Variants in RDX observed in about 807,000 individuals in gnomAD.
RDX encodes the protein radixin, also known as deafness, autosomal recessive 24.
In RDX, 32 loss-of-function variants were observed where a neutral mutation model predicts 83.7. That is an observed-to-expected ratio of 0.38 (90% CI 0.29 to 0.51). The LOEUF is 0.51. Among genes scored for constraint, RDX ranks in the 20% least tolerant of loss-of-function variants. The pLI is 0.87. For synonymous variants in RDX, 229 were observed against 222.7 expected, an observed-to-expected ratio of 1.03 and a Z score of -0.25; for missense variants, 600 against 689.9, an observed-to-expected ratio of 0.87 and a Z score of 1.46.
intron 10 of RDX, among the ~76,000 whole-genome samples, chr11:110,240,470 G>A (rs1390175063): frequency 2.0e-5 from 3 of 152,186 alleles, no homozygotes; most frequent in South Asian, 2.1e-4. Flanking sequence ...TAGGCCGGGC[G>A]CGGTGGCTCA....
intron 11 of RDX, 105 bp from the exon 12 acceptor site, chr11:110,236,296 A>T: frequency 1.2e-6 from 1 of 810,182 alleles, no homozygotes; most frequent in East Asian, 2.7e-5. Flanking sequence ...TGTTTTTCTT[A>T]GCCTTCCATT....
intron 5 of RDX, among the ~76,000 whole-genome samples, chr11:110,262,359 T>G (rs1859839799): frequency 1.3e-5 from 2 of 151,778 alleles, no homozygotes; most frequent in Non-Finnish European, 2.9e-5. Context: ...CCGAAGCGGG[T>G]GGATCATTTG....
At chr11:110,212,142 A>G (rs1267553815) in intron 14 of RDX, among the ~76,000 whole-genome samples, 7 of 148,834 alleles carry the variant, frequency 4.7e-5, no homozygotes, top group African/African-American at 1.7e-4. Context: ...ATAAAAAATG[A>G]TAAAGGGGAT....
chr11:110,289,632 G>T (rs1861132533), intron 1 of RDX, among the ~76,000 whole-genome samples: 3 of 151,976 alleles, frequency 2.0e-5, no homozygotes. Context: ...GAGTCCTTAT[G>T]TTGACTGGGG....
At chr11:110,283,256 C>T (rs994557682) in intron 1 of RDX, among the ~76,000 whole-genome samples, 1 of 151,996 alleles carries the variant, frequency 6.6e-6, no homozygotes, top group African/African-American at 2.4e-5. Context: ...CAGGTTCAAG[C>T]GATTCTCCTG....
At chr11:110,266,441 A>T (rs1278385945) in intron 3 of RDX, among the ~76,000 whole-genome samples, 1 of 152,244 alleles carries the variant, frequency 6.6e-6, no homozygotes, top group Non-Finnish European at 1.5e-5. Context: ...AAAAATCTGT[A>T]TTTAAAATAA....
intron 10 of RDX, among the ~76,000 whole-genome samples, chr11:110,239,331 T>C (rs1386383444): frequency 1.3e-5 from 2 of 151,688 alleles, no homozygotes; most frequent in African/African-American, 2.4e-5. Context: ...CAAAGAGAGA[T>C]AATGGGTGTT....
intron 15 of RDX, chr11:110,179,903 C>CTTTTTTTTTTTTTTTTTTTTTTTGTT: frequency 2.7e-6 from 1 of 363,754 alleles, no homozygotes; most frequent in South Asian, 2.1e-5. Context: ...TTTCTTTTTT[C>CTTTTTTTTTTTTTTTTTTTTTTTGTT]TTTTTTTTTT....
intron 14 of RDX, among the ~76,000 whole-genome samples, chr11:110,204,751 G>A (rs1047954593): frequency 2.0e-5 from 3 of 152,068 alleles, no homozygotes; most frequent in Non-Finnish European, 4.4e-5. Flanking sequence ...TCCTGACCTC[G>A]TGATCTGCCT....
At chr11:110,186,510 A>G (rs911417363) in intron 15 of RDX, among the ~76,000 whole-genome samples, 3 of 152,054 alleles carry the variant, frequency 2.0e-5, no homozygotes, top group Non-Finnish European at 2.9e-5. Flanking sequence ...TAGTGCATAA[A>G]GATCAATTCT....
Position 110,279,737 on chromosome 11 carries a change from A to G in RDX, c.-45T>C. The G allele has an allele frequency of 2.3e-6, 3 of 1,300,996 alleles. No homozygotes were observed. The highest frequency in any genetic ancestry group is 2.3e-5 in the East Asian group (1 of 43,184). The allele number at this position is 1,300,996 out of a possible 1,614,324, so 80.6% of individuals were successfully genotyped here. On this transcript the variant is annotated 5_prime_UTR_variant, in exon 2 of 14. Transcript: ENST00000645495. The stretch of plus-strand genomic sequence containing the variant: ...CCTTCTTTAAAAATTCTCCACTTCA[A>G]TGAATTCTGTTATCACTTTCTGTTA...
intron 15 of RDX, among the ~76,000 whole-genome samples, chr11:110,194,297 G>A (rs1324022612): frequency 6.6e-6 from 1 of 152,236 alleles, no homozygotes; most frequent in Non-Finnish European, 1.5e-5. Context: ...CTGACACACA[G>A]TAACCTCCGC....
intron 5 of RDX, among the ~76,000 whole-genome samples, chr11:110,261,933 C>T (rs569336231): frequency 6.6e-6 from 1 of 152,218 alleles, no homozygotes; most frequent in Admixed American, 6.5e-5. Flanking sequence ...CCAATTACTT[C>T]ATCTGCTGCT....
At chr11:110,285,230 T>C (rs1444916862) in intron 1 of RDX, among the ~76,000 whole-genome samples, 2 of 150,106 alleles carry the variant, frequency 1.3e-5, no homozygotes, top group African/African-American at 4.9e-5. Flanking sequence ...CTACTAAAAA[T>C]ACAAAAAATT....
At chr11:110,188,551 G>A (rs114667843) in intron 15 of RDX, among the ~76,000 whole-genome samples, 2,518 of 152,076 alleles carry the variant, frequency 0.017, 88 homozygotes, top group African/African-American at 0.056. Flanking sequence ...TACATATTGG[G>A]TAACAGTGTA....
At chr11:110,205,838 G>A (rs1387469616) in intron 14 of RDX, among the ~76,000 whole-genome samples, 2 of 152,174 alleles carry the variant, frequency 1.3e-5, no homozygotes, top group Non-Finnish European at 2.9e-5. Context: ...ATTCCATAAT[G>A]ACAGACAACT....
intron 14 of RDX, among the ~76,000 whole-genome samples, chr11:110,207,942 AC>A (rs1339450859): frequency 6.6e-6 from 1 of 152,142 alleles, no homozygotes; most frequent in Non-Finnish European, 1.5e-5. Context: ...TTTTAATTAC[AC>A]ACAGGCAAAA....
chr11:110,180,067 A>G (rs1009600638), intron 15 of RDX: 3 of 294,812 alleles, frequency 1.0e-5, no homozygotes, highest in Non-Finnish European at 6.8e-6. Context: ...ACGCCTGGCT[A>G]ATTTTTGTAT....
chr11:110,210,357 A>C (rs191330750), intron 14 of RDX, among the ~76,000 whole-genome samples: 1 of 84,088 alleles, frequency 1.2e-5, no homozygotes, highest in African/African-American at 5.8e-5. Context: ...CCAAATCTAC[A>C]TCTGATTGGT....
Sources: allele counts gnomAD v4.1 joint callset (sites outside exome capture counted in the v4.1 genomes callset), GRCh38; gene constraint gnomAD v4.1.1; transcripts MANE v1.5; gene names NCBI Gene and HGNC (gene_info 2026-07-23, HGNC 2026-07-21).